FRMD6: variants seen among roughly 807,000 people sequenced by gnomAD.
The protein encoded by FRMD6 is FERM domain containing 6, also known as FERM domain-containing protein 6.
Under a neutral mutation model 73.2 loss-of-function variants are expected in FRMD6, and 37 were observed. The observed-to-expected ratio is 0.51, with a 90% CI of 0.39 to 0.66. The LOEUF is 0.66. FRMD6 is among the 30% of genes least tolerant of loss of function. The pLI is 0.00. For missense variants in FRMD6, 714 were observed against 780.5 expected (o/e 0.91, Z 1.02); for synonymous variants, 273 against 282.2 (o/e 0.97, Z 0.33).
intron 1 of FRMD6, among the ~76,000 whole-genome samples, chr14:51,556,848 T>C (rs374779390): frequency 3.1e-5 from 1 of 31,784 alleles, no homozygotes; most frequent in African/African-American, 1.9e-4. Flanking sequence ...ACCAAAACTT[T>C]ATTCAAGTGG....
At chr14:51,430,256 A>C in the FRMD6 span, among the ~76,000 whole-genome samples, 4 of 152,338 alleles carry the variant, frequency 2.6e-5, no homozygotes, top group South Asian at 8.3e-4. Context: ...TATCCACCTC[A>C]ACGTTAAAAG....
intron 1 of FRMD6, among the ~76,000 whole-genome samples, chr14:51,508,428 T>C (rs1885034): frequency 0.43 from 65,616 of 152,058 alleles, 14,575 homozygotes; most frequent in African/African-American, 0.53. Context: ...TCACGTTATT[T>C]ACATAAGAGA....
chr14:51,419,447 G>T, the FRMD6 span, among the ~76,000 whole-genome samples: 5 of 152,168 alleles, frequency 3.3e-5, no homozygotes, highest in African/African-American at 1.2e-4. Context: ...ATGCCCAGCT[G>T]CCATGGTCAA....
chr14:51,465,731 T>G, the FRMD6 span, among the ~76,000 whole-genome samples: 1 of 152,254 alleles, frequency 6.6e-6, no homozygotes. Flanking sequence ...TTTCTCATTT[T>G]GGGCAAATAT....
intron 2 of FRMD6, among the ~76,000 whole-genome samples, chr14:51,580,336 G>A (rs115526795): frequency 1.4e-3 from 216 of 152,296 alleles, no homozygotes; most frequent in African/African-American, 4.7e-3. Context: ...TCCAGTATCA[G>A]CAATAATAAT....
At chr14:51,622,587 T>G (rs748671141) in intron 2 of FRMD6, among the ~76,000 whole-genome samples, 4 of 152,190 alleles carry the variant, frequency 2.6e-5, no homozygotes, top group African/African-American at 9.7e-5. Flanking sequence ...AGTTATTTCC[T>G]GCCCTAGAGC....
chr14:51,513,284 G>C (rs908249385), intron 1 of FRMD6, among the ~76,000 whole-genome samples: 7 of 152,178 alleles, frequency 4.6e-5, no homozygotes, highest in African/African-American at 1.7e-4. Flanking sequence ...ACCAAAACAG[G>C]CTGCATTTCC....
the FRMD6 span, among the ~76,000 whole-genome samples, chr14:51,463,407 C>G: frequency 4.6e-5 from 7 of 152,180 alleles, no homozygotes; most frequent in African/African-American, 1.7e-4. Flanking sequence ...CAGTGTAGTA[C>G]TTGGTGCATA....
At chr14:51,579,759 C>T (rs1888607773) in intron 2 of FRMD6, among the ~76,000 whole-genome samples, 1 of 152,162 alleles carries the variant, frequency 6.6e-6, no homozygotes, top group Admixed American at 6.5e-5. Flanking sequence ...TCACCTGACC[C>T]TAGACCCCTC....
chr14:51,666,795 C>G (rs1397228273), intron 1 of FRMD6, among the ~76,000 whole-genome samples: 2 of 152,132 alleles, frequency 1.3e-5, no homozygotes, highest in African/African-American at 2.4e-5. Context: ...GAGTTGAACT[C>G]TGTTTAAATA....
At chr14:51,579,986 C>A (rs1284692818) in intron 2 of FRMD6, among the ~76,000 whole-genome samples, 1 of 152,178 alleles carries the variant, frequency 6.6e-6, no homozygotes, top group African/African-American at 2.4e-5. Flanking sequence ...CTCACATATC[C>A]CCCATTTCCC....
At chr14:51,676,604 A>G (rs946018000) in intron 1 of FRMD6, among the ~76,000 whole-genome samples, 5 of 152,194 alleles carry the variant, frequency 3.3e-5, no homozygotes, top group African/African-American at 1.2e-4. Flanking sequence ...AATTATCAGT[A>G]TGTGATTATT....
chr14:51,524,546 C>T (rs1885130664), intron 1 of FRMD6, among the ~76,000 whole-genome samples: 3 of 151,436 alleles, frequency 2.0e-5, no homozygotes, highest in Admixed American at 2.0e-4. Context: ...CGGGGGGGGT[C>T]TCTTTGTTGT....
chr14:51,458,756 A>T, the FRMD6 span, among the ~76,000 whole-genome samples: 142 of 152,308 alleles, frequency 9.3e-4, 1 homozygote, highest in African/African-American at 3.3e-3. Context: ...TTCCAGTATG[A>T]CCAACTGTGG....
At chr14:51,706,956 C>T (rs1896658887) in intron 6 of FRMD6, among the ~76,000 whole-genome samples, 1 of 152,036 alleles carries the variant, frequency 6.6e-6, no homozygotes, top group South Asian at 2.1e-4. Context: ...TTTGCATTCT[C>T]TGGTTGTCAT....
intron 2 of FRMD6, among the ~76,000 whole-genome samples, chr14:51,573,725 T>A (rs1242226284): frequency 6.6e-6 from 1 of 152,164 alleles, no homozygotes; most frequent in Non-Finnish European, 1.5e-5. Flanking sequence ...TCCAAGTTAT[T>A]AAATTCAGGA....
intron 2 of FRMD6, among the ~76,000 whole-genome samples, chr14:51,616,479 G>A (rs894339790): frequency 1.3e-5 from 2 of 152,198 alleles, no homozygotes; most frequent in African/African-American, 2.4e-5. Flanking sequence ...AAGCCACACA[G>A]CTGTGAGGCG....
At chr14:51,597,840 T>C (rs1889807625) in intron 2 of FRMD6, among the ~76,000 whole-genome samples, 1 of 152,224 alleles carries the variant, frequency 6.6e-6, no homozygotes, top group African/African-American at 2.4e-5. Context: ...GAGTTCTGAC[T>C]GGTCTCTGAG....
the FRMD6 span, among the ~76,000 whole-genome samples, chr14:51,437,448 A>G: frequency 0.25 from 38,303 of 151,854 alleles, 4,975 homozygotes; most frequent in Middle Eastern, 0.31. Context: ...GACTACAGGC[A>G]AGCACCACCA....
Sources: allele counts gnomAD v4.1 joint callset (sites outside exome capture counted in the v4.1 genomes callset), GRCh38; gene constraint gnomAD v4.1.1; transcripts MANE v1.5; gene names NCBI Gene and HGNC (gene_info 2026-07-23, HGNC 2026-07-21).